GRID2: variants seen among roughly 807,000 people sequenced by gnomAD.
GRID2 encodes glutamate receptor ionotropic, delta-2.
A neutral mutation model predicts 114.8 loss-of-function variants in GRID2; 33 were observed. The ratio of observed to expected loss-of-function variants is 0.29; its 90% CI spans 0.22 to 0.38. The LOEUF (loss-of-function observed/expected upper bound fraction) is 0.38. Ranked by LOEUF, GRID2 falls within the 10% of genes least tolerant of loss-of-function variation. The pLI is 1.00. For synonymous variants in GRID2, 505 were observed against 449.9 expected (o/e 1.12, Z -1.55); for missense variants, 1,184 against 1,257.7 (o/e 0.94, Z 0.89).
At chr4:93,679,575 T>C (rs1281827644) in intron 14 of GRID2, among the ~76,000 whole-genome samples, 1 of 150,874 alleles carries the variant, frequency 6.6e-6, no homozygotes, top group East Asian at 1.9e-4. Context: ...TATAACAAAC[T>C]GTCTCTCAGA....
chr4:92,801,946 G>T (rs1448825917), intron 2 of GRID2, among the ~76,000 whole-genome samples: 2 of 151,508 alleles, frequency 1.3e-5, no homozygotes, highest in Non-Finnish European at 3.0e-5. Flanking sequence ...ATCCATCTCT[G>T]GTGGCCATGA....
intron 8 of GRID2, among the ~76,000 whole-genome samples, chr4:93,271,182 G>T (rs1751422064): frequency 6.6e-6 from 1 of 152,142 alleles, no homozygotes; most frequent in Admixed American, 6.6e-5. Flanking sequence ...GAAGCACGTA[G>T]ACATATCTCA....
chr4:92,913,432 A>G (rs1259550109), intron 2 of GRID2, among the ~76,000 whole-genome samples: 1 of 151,900 alleles, frequency 6.6e-6, no homozygotes, highest in Non-Finnish European at 1.5e-5. Context: ...ATCTCCATCT[A>G]TGCATTCACA....
At chr4:92,734,258 T>A (rs2149326556) in intron 2 of GRID2, among the ~76,000 whole-genome samples, 1 of 152,174 alleles carries the variant, frequency 6.6e-6, no homozygotes, top group South Asian at 2.1e-4. Context: ...TGTGCATCAC[T>A]CTATTTTTTT....
rs10557964 is a variant in GRID2 at position 93,304,257 on chromosome 4, AATAT to A, written c.1245+65787_1245+65790del. ...ACAATACTTTGGAAATAATATTTTA[AATAT>A]ATATATATATATATATATAAGAGAA... On this transcript the variant is annotated intron_variant, in intron 8 of 15. Coordinates refer to ENST00000282020, the MANE Select transcript of GRID2 (RefSeq NM_001510.4). Among the ~76,000 whole-genome samples, 154 of 142,892 alleles carry A rather than the reference AATAT, an allele frequency of 1.1e-3. 1 individual carries two copies. The highest frequency in any genetic ancestry group is 2.2e-3 in the African/African-American group (88 of 39,658). The allele number at this position is 142,892 out of a possible 152,430, so 93.7% of individuals were successfully genotyped here. A position where few individuals can be genotyped will look rare whatever the true frequency, so the allele number is the denominator to read the frequency against.
Position 93,681,883 on chromosome 4 carries a change from G to A in GRID2, c.2360+55448G>A, listed in dbSNP as rs531977079. ...ACATAGGCATGGGCAAGGACTTCAT[G>A]TCTAAAACACCAAAAGCAATGGCAA... On this transcript the variant is annotated intron_variant, in intron 14 of 15. Transcript: ENST00000282020. 1.7e-3 allele frequency among the ~76,000 whole-genome samples: 260 copies of A among 151,876 alleles called. 1 individual carries two copies. Among genetic ancestry groups the A allele is most frequent in the African/African-American group, 6.1e-3 (251 of 41,356 alleles).
chr4:92,870,360 C>T (rs1745189650), intron 2 of GRID2, among the ~76,000 whole-genome samples: 1 of 151,990 alleles, frequency 6.6e-6, no homozygotes, highest in East Asian at 1.9e-4. Flanking sequence ...TCCATAAGGA[C>T]AGCACTTTTG....
intron 8 of GRID2, among the ~76,000 whole-genome samples, chr4:93,348,184 T>A (rs1211842409): frequency 6.6e-6 from 1 of 152,150 alleles, no homozygotes; most frequent in Admixed American, 6.6e-5. Flanking sequence ...ATATTGCTTA[T>A]CTTATTTAAG....
At chr4:93,416,351 C>G (rs1304999998) in intron 9 of GRID2, among the ~76,000 whole-genome samples, 1 of 151,992 alleles carries the variant, frequency 6.6e-6, no homozygotes, top group Non-Finnish European at 1.5e-5. Flanking sequence ...AATATAAGCT[C>G]ACACCATGCA....
At chr4:92,387,816 A>G (rs1182180583) in intron 1 of GRID2, among the ~76,000 whole-genome samples, 1 of 152,034 alleles carries the variant, frequency 6.6e-6, no homozygotes, top group Non-Finnish European at 1.5e-5. Flanking sequence ...TAGAAATAAA[A>G]ATTCCATTCC....
chr4:93,377,004 C>A (rs1006430613), intron 8 of GRID2, among the ~76,000 whole-genome samples: 3 of 152,108 alleles, frequency 2.0e-5, no homozygotes, highest in African/African-American at 7.2e-5. Context: ...TATTCTAAAT[C>A]TTGGGAAGTA....
At chr4:92,884,846 A>T (rs1189408910) in intron 2 of GRID2, 1 of 380,376 alleles carries the variant, frequency 2.6e-6, no homozygotes, top group Admixed American at 3.4e-5. Context: ...GAAAAGAATT[A>T]CTAAGTATGT....
At chr4:93,527,039 G>T (rs1023623457) in intron 13 of GRID2, among the ~76,000 whole-genome samples, 1 of 151,914 alleles carries the variant, frequency 6.6e-6, no homozygotes, top group Non-Finnish European at 1.5e-5. Context: ...GCTTTCTGTG[G>T]CTCCCAGTCC....
At chr4:93,502,973 T>C (rs546914752) in intron 12 of GRID2, among the ~76,000 whole-genome samples, 1 of 152,170 alleles carries the variant, frequency 6.6e-6, no homozygotes, top group East Asian at 1.9e-4. Context: ...GTGGAGCACA[T>C]TTGCAAAACA....
At chr4:92,722,730 A>G (rs1735869509) in intron 2 of GRID2, among the ~76,000 whole-genome samples, 1 of 152,088 alleles carries the variant, frequency 6.6e-6, no homozygotes, top group Non-Finnish European at 1.5e-5. Context: ...CCTAGAATTT[A>G]GTGTCTGCTG....
At chr4:93,102,793 G>T (rs1481784902) in intron 3 of GRID2, among the ~76,000 whole-genome samples, 1 of 150,598 alleles carries the variant, frequency 6.6e-6, no homozygotes, top group Non-Finnish European at 1.5e-5. Flanking sequence ...TTAGAACTAT[G>T]ATTCTAAGTT....
chr4:92,638,802 CTT>C (rs1451043793), intron 2 of GRID2, among the ~76,000 whole-genome samples: 2 of 150,514 alleles, frequency 1.3e-5, no homozygotes, highest in Non-Finnish European at 3.0e-5. Flanking sequence ...TAATATTTGT[CTT>C]TGAAAATTTA....
intron 1 of GRID2, among the ~76,000 whole-genome samples, chr4:92,450,357 T>C (rs1455535630): frequency 1.3e-5 from 2 of 151,866 alleles, no homozygotes; most frequent in African/African-American, 4.8e-5. Flanking sequence ...TGCTTAGGGG[T>C]TGAAAAAGAA....
intron 13 of GRID2, among the ~76,000 whole-genome samples, chr4:93,612,601 G>T (rs1474147390): frequency 1.0e-4 from 10 of 96,524 alleles, no homozygotes; most frequent in African/African-American, 3.3e-4. Flanking sequence ...GAAATTCTGG[G>T]TTGAAAATTC....
Sources: allele counts gnomAD v4.1 joint callset (sites outside exome capture counted in the v4.1 genomes callset), GRCh38; gene constraint gnomAD v4.1.1; transcripts MANE v1.5; gene names NCBI Gene and HGNC (gene_info 2026-07-23, HGNC 2026-07-21).